The following MCTP2 variants were observed in gnomAD, a reference collection of about 807,000 sequenced individuals.
MCTP2 encodes the protein multiple C2 and transmembrane domain-containing protein 2.
Under a neutral mutation model 111.6 loss-of-function variants are expected in MCTP2, and 132 were observed. The observed-to-expected ratio is 1.18, with a 90% CI of 1.03 to 1.37. The LOEUF is 1.37. Ranked by LOEUF, MCTP2 falls within the 40% of genes most tolerant of loss-of-function variation. The pLI, the probability that MCTP2 is intolerant of heterozygous loss-of-function variation, is 0.00. For synonymous variants in MCTP2, 395 were observed against 387.7 expected (o/e 1.02, Z -0.22); for missense variants, 1,183 against 1,067.9 (o/e 1.11, Z -1.50).
Position 94,314,339 on chromosome 15 carries a change from C to G in MCTP2, c.523C>G (p.Gln175Glu). Residue 175 changes from glutamine (Q) to glutamate (E), a missense_variant, in exon 3 of 23, where the codon CAA becomes GAA. Physicochemically the swap from Gln to Glu is conservative, Grantham distance 29. Coordinates refer to ENST00000357742, the MANE Select transcript of MCTP2 (RefSeq NM_001385001.1). ...TATGACATCTCAACATTTTGAAGAA[C>G]AATCTGTGAGTGGCATTCCTTAAAA... The part of the protein sequence containing the change: ...ASMTSQHFEE[Q>E]SVPGEASDGL... 1 of 1,599,266 alleles carries G rather than the reference C, an allele frequency of 6.3e-7. No individual in the cohort carries two copies. Among genetic ancestry groups the G allele is most frequent in the Non-Finnish European group, 8.5e-7 (1 of 1,170,324 alleles).
intron 9 of MCTP2, among the ~76,000 whole-genome samples, chr15:94,358,199 A>G (rs990699426): frequency 6.6e-6 from 1 of 152,312 alleles, no homozygotes; most frequent in South Asian, 2.1e-4. Context: ...TCCACTGTGT[A>G]TGTGTGTGTA....
intron 10 of MCTP2, among the ~76,000 whole-genome samples, chr15:94,360,845 T>C (rs139102491): frequency 1.8e-3 from 229 of 127,832 alleles, no homozygotes; most frequent in African/African-American, 6.4e-3. Context: ...TTTATGAATT[T>C]TAAAGAATTT....
intron 1 of MCTP2, among the ~76,000 whole-genome samples, chr15:94,243,309 ACGTATGCGTACATACGTATGCGTATATG>A (rs2071225178): frequency 9.7e-6 from 1 of 103,524 alleles, no homozygotes; most frequent in African/African-American, 3.4e-5. Context: ...ATACATACAT[ACGTATGCGTACATACGTATGCGTATATG>A]CGTATGTACA....
chr15:94,461,925 GA>G (rs2152530285), intron 20 of MCTP2, among the ~76,000 whole-genome samples: 1 of 152,278 alleles, frequency 6.6e-6, no homozygotes, highest in East Asian at 1.9e-4. Context: ...TGTCAAAAGG[GA>G]CAAAGGAAGA....
At chr15:94,473,948 T>C (rs2074130915) in intron 21 of MCTP2, among the ~76,000 whole-genome samples, 1 of 90,608 alleles carries the variant, frequency 1.1e-5, no homozygotes, top group African/African-American at 5.8e-5. Flanking sequence ...TCTGATTTTC[T>C]CCAAGTGATT....
chr15:94,479,150 C>T lies in MCTP2; in HGVS notation c.*116C>T. On this transcript the variant is annotated 3_prime_UTR_variant, in exon 23 of 23. Coordinates refer to ENST00000357742, the MANE Select transcript of MCTP2 (RefSeq NM_001385001.1). ...CTTCTGAAATGCATGCCCTGTGGCA[C>T]CCTCTGTATACTTCCTCCTCCTTCA... 1.1e-6 allele frequency: 1 copy of T among 945,346 alleles called. No homozygotes were observed. The highest frequency in any genetic ancestry group is 1.7e-6 in the Non-Finnish European group (1 of 583,958). The allele number at this position is 945,346 out of a possible 1,614,324, so 58.6% of individuals were successfully genotyped here.
chr15:94,400,422 T>C (rs530236821), intron 16 of MCTP2, among the ~76,000 whole-genome samples: 1 of 152,128 alleles, frequency 6.6e-6, no homozygotes, highest in Non-Finnish European at 1.5e-5. Flanking sequence ...CTTCAGAGAC[T>C]TCTAGCCTGG....
chr15:94,402,935 C>T (rs1596598722), intron 17 of MCTP2: 1 of 1,050,842 alleles, frequency 9.5e-7, no homozygotes, highest in East Asian at 7.1e-5. Flanking sequence ...TTTCTACTGC[C>T]AATATATGCT....
intron 20 of MCTP2, among the ~76,000 whole-genome samples, chr15:94,464,042 T>G (rs2085372734): frequency 6.6e-6 from 1 of 151,336 alleles, no homozygotes; most frequent in East Asian, 1.9e-4. Flanking sequence ...GTTCTTGACA[T>G]TTTCTTGTGG....
chr15:94,342,689 CAT>C (rs1169061470), intron 7 of MCTP2: 1 of 150,826 alleles, frequency 6.6e-6, no homozygotes, highest in African/African-American at 2.4e-5. Flanking sequence ...TATTTATCTC[CAT>C]ATATATACAC....
At chr15:94,477,869 A>G (rs541102031) in intron 22 of MCTP2, among the ~76,000 whole-genome samples, 86 of 152,332 alleles carry the variant, frequency 5.6e-4, no homozygotes, top group Non-Finnish European at 1.0e-3. Context: ...TTAATTAAAA[A>G]ATAATAACCC....
Position 94,375,954 on chromosome 15 carries a change from G to A in MCTP2, c.1582+5774G>A, listed in dbSNP as rs2079748957. The stretch of plus-strand genomic sequence containing the variant: ...TCAACTTCAGGAAAGTCAGCTTGGG[G>A]GCAGTTCTGGTAATCGACCACAGAT... On this transcript the variant is annotated intron_variant, in intron 12 of 22. Transcript: ENST00000357742. 2.6e-5 allele frequency among the ~76,000 whole-genome samples: 4 copies of A among 152,126 alleles called. No homozygotes were observed. The South Asian group carries it at 8.3e-4, about 32-fold the overall frequency.
At chr15:94,429,669 G>C (rs1315446798) in intron 17 of MCTP2, among the ~76,000 whole-genome samples, 1 of 151,900 alleles carries the variant, frequency 6.6e-6, no homozygotes, top group Admixed American at 6.6e-5. Context: ...ATCAATTCTG[G>C]GCCATTTCTT....
At position 94,481,900 on chromosome 15, in the gene MCTP2, A is replaced by G. The variant is rs1052469419; in HGVS notation, c.*2866A>G. 1.3e-5 allele frequency: 2 copies of G among 152,206 alleles called. No individual in the cohort carries two copies. The highest frequency in any genetic ancestry group is 4.8e-5 in the African/African-American group (2 of 41,440). The allele number at this position is 152,206 out of a possible 1,614,324, so 9.4% of individuals were successfully genotyped here. On this transcript the variant is annotated 3_prime_UTR_variant, in exon 23 of 23. Coordinates refer to ENST00000357742, the MANE Select transcript of MCTP2 (RefSeq NM_001385001.1). Reference sequence around the variant, plus strand: ...GGGCTGGATTGGATAGATTAGTATGATCTATCCTGGAGATTCATTTCTTGC... The same window carrying G: ...GGGCTGGATTGGATAGATTAGTATGGTCTATCCTGGAGATTCATTTCTTGC...
At chr15:94,451,078 A>G (rs2152520365) in intron 19 of MCTP2, among the ~76,000 whole-genome samples, 1 of 152,300 alleles carries the variant, frequency 6.6e-6, no homozygotes, top group Non-Finnish European at 1.5e-5. Flanking sequence ...TTTCTTTTTT[A>G]AAAAAGAACA....
In MCTP2 at chr15:94,249,288, A is replaced by G. The variant is rs188477392; in HGVS notation, c.-66+17624A>G. ...TGAATAAGAACTAATTAGCTGTGCC[A>G]TATCTGGAGTTAGCATGGCCTCTTG... On this transcript the variant is annotated intron_variant, in intron 1 of 22. Transcript: ENST00000357742. 2.0e-5 allele frequency among the ~76,000 whole-genome samples: 3 copies of G among 152,314 alleles called. No individual in the cohort carries two copies. In the East Asian group the frequency reaches 5.8e-4, roughly 29 times the overall value.
intron 1 of MCTP2, among the ~76,000 whole-genome samples, chr15:94,297,355 C>T (rs2075321154): frequency 6.6e-6 from 1 of 152,180 alleles, no homozygotes; most frequent in Non-Finnish European, 1.5e-5. Flanking sequence ...TGCTAGTGAG[C>T]CACACTTTCA....
At chr15:94,382,457 A>C (rs11074270) in intron 12 of MCTP2, among the ~76,000 whole-genome samples, 23,683 of 152,314 alleles carry the variant, frequency 0.16, 2,825 homozygotes, top group East Asian at 0.36. Flanking sequence ...GCATTGACTT[A>C]AAAGCTTTGG....
intron 12 of MCTP2, 93 bp from the exon 13 acceptor site, chr15:94,383,929 A>C (rs1421571127): frequency 4.4e-6 from 4 of 915,532 alleles, no homozygotes; most frequent in Non-Finnish European, 7.0e-6. Flanking sequence ...TCCCTCTTTC[A>C]GCAAGCACAA....
Sources: allele counts gnomAD v4.1 joint callset (sites outside exome capture counted in the v4.1 genomes callset), GRCh38; gene constraint gnomAD v4.1.1; transcripts MANE v1.5; gene names NCBI Gene and HGNC (gene_info 2026-07-23, HGNC 2026-07-21).